Variants in PKHD1 observed in about 807,000 individuals in gnomAD.
PKHD1 encodes the protein fibrocystin.
Under a neutral mutation model 412.0 loss-of-function variants are expected in PKHD1, and 291 were observed. That is an observed-to-expected ratio of 0.71 (90% CI 0.64 to 0.78). The LOEUF is 0.78. Among genes scored for constraint, PKHD1 ranks in the 30% least tolerant of loss-of-function variants. The pLI is 0.00. For synonymous variants in PKHD1, 1,777 were observed against 1,821.5 expected (o/e 0.98, Z 0.62); for missense variants, 4,825 against 4,950.7 (o/e 0.97, Z 0.76).
In PKHD1 at chr6:51,615,625, GAAT is replaced by G. The variant is rs1765998891; in HGVS notation, c.*3453_*3455del. ...CGTACAATTTTATAGAAGCTTGGTT[GAAT>G]AATATTTGCATATGATTTACATTTG... On this transcript the variant is annotated 3_prime_UTR_variant, in exon 67 of 67. Coordinates refer to ENST00000371117, the MANE Select transcript of PKHD1 (RefSeq NM_138694.4). The G allele has an allele frequency of 6.6e-6, 1 of 152,162 alleles. No homozygotes were observed. Among genetic ancestry groups the G allele is most frequent in the African/African-American group, 2.4e-5 (1 of 41,442 alleles). 9.4% of individuals were successfully genotyped at this position (152,162 alleles called of 1,614,324 possible).
intron 66 of PKHD1, among the ~76,000 whole-genome samples, chr6:51,626,302 A>G (rs1490454480): frequency 6.6e-6 from 1 of 152,166 alleles, no homozygotes; most frequent in East Asian, 1.9e-4. Flanking sequence ...TTTCAGGCCC[A>G]TGGAAATTAT....
intron 28 of PKHD1, among the ~76,000 whole-genome samples, chr6:52,034,628 A>G (rs1481581591): frequency 6.6e-6 from 1 of 152,214 alleles, no homozygotes; most frequent in African/African-American, 2.4e-5. Flanking sequence ...TACATATCAA[A>G]AGCTTTAGAA....
chr6:51,938,101 C>T (rs1271027), intron 36 of PKHD1, among the ~76,000 whole-genome samples: 2,894 of 146,376 alleles, frequency 0.02, 88 homozygotes, highest in African/African-American at 0.069. Context: ...TAATGAAAGG[C>T]CACAAGGCTA....
chr6:51,970,368 A>T (rs1793483529), intron 35 of PKHD1, among the ~76,000 whole-genome samples: 1 of 152,098 alleles, frequency 6.6e-6, no homozygotes, highest in African/African-American at 2.4e-5. Flanking sequence ...TTGTATCTGT[A>T]GTTTGCAAAT....
At position 51,838,526 on chromosome 6, in the gene PKHD1, A is replaced by G. The variant is rs569722246; in HGVS notation, c.8108-2057T>C. On this transcript the variant is annotated intron_variant, in intron 50 of 66. Transcript: ENST00000371117. The stretch of plus-strand genomic sequence containing the variant: ...TCTGTTGCTCACTTCATTAACGTTG[A>G]GTGTGTGAATGCCAGTCAGTGAAGA... 2.0e-5 allele frequency among the ~76,000 whole-genome samples: 3 copies of G among 152,328 alleles called. No individual in the cohort carries two copies. In the East Asian group the frequency reaches 5.8e-4, roughly 29 times the overall value.
intron 36 of PKHD1, among the ~76,000 whole-genome samples, chr6:51,935,625 A>C (rs972571843): frequency 1.6e-4 from 24 of 152,150 alleles, no homozygotes; most frequent in Admixed American, 1.4e-3. Context: ...AAGTCCTTAC[A>C]TTGGGCTACA....
At chr6:52,013,322 T>A (rs1800040163) in intron 34 of PKHD1, among the ~76,000 whole-genome samples, 1 of 152,212 alleles carries the variant, frequency 6.6e-6, no homozygotes, top group Non-Finnish European at 1.5e-5. Context: ...CTGAAGAGAA[T>A]TAAACCCCTT....
chr6:51,961,678 G>A (rs1208031796), intron 35 of PKHD1, among the ~76,000 whole-genome samples: 2 of 152,168 alleles, frequency 1.3e-5, no homozygotes. Context: ...CAAATCAAAG[G>A]AAACTGGAAT....
chr6:51,619,728 T>C (rs1766375197), intron 66 of PKHD1, among the ~76,000 whole-genome samples: 1 of 143,316 alleles, frequency 7.0e-6, no homozygotes, highest in African/African-American at 2.6e-5. Context: ...ACTTACATGA[T>C]GTTGATAATT....
chr6:51,970,297 T>G (rs1249310549), intron 35 of PKHD1, among the ~76,000 whole-genome samples: 3 of 152,174 alleles, frequency 2.0e-5, no homozygotes, highest in Admixed American at 6.5e-5. Flanking sequence ...TCTGGTGTTT[T>G]GTTTGTTTGT....
chr6:51,695,410 GAGA>G (rs987433721), intron 60 of PKHD1, among the ~76,000 whole-genome samples: 21 of 152,106 alleles, frequency 1.4e-4, no homozygotes, highest in South Asian at 4.2e-4. Flanking sequence ...TGCTTTGCCA[GAGA>G]AGAAGAAGAA....
At chr6:51,775,993 T>G in intron 53 of PKHD1, 72 bp from the exon 54 acceptor site, 1 of 764,382 alleles carries the variant, frequency 1.3e-6, no homozygotes, top group Non-Finnish European at 2.4e-6. Context: ...AATTGCAGTA[T>G]AATTTCAATA....
At chr6:51,648,287 G>T (rs1005959286) in intron 62 of PKHD1, among the ~76,000 whole-genome samples, 169 bp from the exon 63 acceptor site, 1 of 152,198 alleles carries the variant, frequency 6.6e-6, no homozygotes, top group African/African-American at 2.4e-5. Flanking sequence ...GAATATATCA[G>T]AATTAACTTA....
intron 16 of PKHD1, among the ~76,000 whole-genome samples, chr6:52,057,216 G>A (rs1033971507): frequency 6.6e-6 from 1 of 152,216 alleles, no homozygotes; most frequent in Non-Finnish European, 1.5e-5. Flanking sequence ...TTGATTGAGA[G>A]TATGAGATGT....
intron 60 of PKHD1, among the ~76,000 whole-genome samples, chr6:51,723,594 TC>T (rs1416069334): frequency 6.6e-6 from 1 of 152,102 alleles, no homozygotes; most frequent in East Asian, 1.9e-4. Flanking sequence ...CACAACTAAC[TC>T]CAAAACAGGA....
At chr6:51,977,798 G>A (rs1794650429) in intron 35 of PKHD1, among the ~76,000 whole-genome samples, 2 of 152,232 alleles carry the variant, frequency 1.3e-5, no homozygotes, top group African/African-American at 4.8e-5. Flanking sequence ...ACTGGCTGGA[G>A]CTGCCCTTGC....
At chr6:51,654,963 T>C (rs762559467) in intron 61 of PKHD1, among the ~76,000 whole-genome samples, 16 of 152,128 alleles carry the variant, frequency 1.1e-4, no homozygotes, top group Non-Finnish European at 8.8e-5. Flanking sequence ...AATGGAACAA[T>C]TTTTAATTGT....
chr6:51,779,565 A>C (rs1791636474), intron 53 of PKHD1, among the ~76,000 whole-genome samples: 1 of 152,162 alleles, frequency 6.6e-6, no homozygotes, highest in African/African-American at 2.4e-5. Context: ...TATTCCAGAA[A>C]TGTTTAACTT....
chr6:51,894,667 G>A (rs1342875481), intron 43 of PKHD1, among the ~76,000 whole-genome samples: 1 of 152,238 alleles, frequency 6.6e-6, no homozygotes, highest in Non-Finnish European at 1.5e-5. Context: ...TTCCAGGTCA[G>A]AGATTTCAAG....
Sources: gnomAD v4.1 joint callset for allele counts (sites outside exome capture counted in the v4.1 genomes callset) on GRCh38, gnomAD v4.1.1 for gene constraint, MANE v1.5 for transcripts, NCBI Gene and HGNC (gene_info 2026-07-23, HGNC 2026-07-21) for gene names.